The following FAM169A variants were observed in gnomAD, a reference collection of about 807,000 sequenced individuals.
FAM169A encodes family with sequence similarity 169 member A, also known as soluble lamin-associated protein of 75 kDa.
In FAM169A, 24 loss-of-function variants were observed where a neutral mutation model predicts 75.7. The ratio of observed to expected loss-of-function variants is 0.32; its 90% CI spans 0.23 to 0.45. FAM169A has a LOEUF of 0.45. Among genes scored for constraint, FAM169A ranks in the 20% least tolerant of loss-of-function variants. The pLI is 1.00. For synonymous variants in FAM169A, 271 were observed against 271.0 expected (o/e 1.00, Z 0.00); for missense variants, 673 against 784.0 (o/e 0.86, Z 1.69).
intron 1 of FAM169A, among the ~76,000 whole-genome samples, chr5:74,864,246 C>T (rs1476793438): frequency 6.6e-6 from 1 of 152,186 alleles, no homozygotes; most frequent in Non-Finnish European, 1.5e-5. Context: ...GATATATATT[C>T]CATCTTGGTG....
chr5:74,814,651 T>C (rs1016200246), intron 5 of FAM169A, among the ~76,000 whole-genome samples: 2 of 152,184 alleles, frequency 1.3e-5, no homozygotes, highest in Non-Finnish European at 1.5e-5. Flanking sequence ...ATTTTGTATG[T>C]TTAAAGTTAA....
intron 5 of FAM169A, among the ~76,000 whole-genome samples, chr5:74,829,404 T>C (rs147530249): frequency 9.2e-5 from 14 of 152,342 alleles, no homozygotes; most frequent in Admixed American, 5.2e-4. Context: ...AGGTCCAAGA[T>C]AGGCAATAAT....
rs1018599718 is a variant in FAM169A, at chr5:74,866,167, C to T, written c.-6G>A. ...CCGGGGAGAGGGAGCGCACTCACCT[C>T]AGACGCGCCCCGGGAGCCGCTGGAA... On this transcript the variant is annotated splice_region_variant and 5_prime_UTR_variant, in exon 1 of 13. Coordinates refer to ENST00000687041, the MANE Select transcript of FAM169A (RefSeq NM_001376049.1). 175 of 983,820 alleles carry T rather than the reference C, an allele frequency of 1.8e-4. No individual in the cohort carries two copies. The highest frequency in any genetic ancestry group is 1.1e-4 in the Non-Finnish European group (94 of 829,200). The allele number at this position is 983,820 out of a possible 1,614,324, so 60.9% of individuals were successfully genotyped here.
chr5:74,805,812 CTCA>C (rs1475264945), intron 6 of FAM169A, among the ~76,000 whole-genome samples: 1 of 151,730 alleles, frequency 6.6e-6, no homozygotes, highest in Non-Finnish European at 1.5e-5. Context: ...AATACCAGTT[CTCA>C]TCAAATTGAT....
At chr5:74,866,738 C>A (rs920630451), upstream of FAM169A, 6 of 985,374 alleles carry the variant, frequency 6.1e-6, no homozygotes, top group Non-Finnish European at 7.2e-6. Context: ...TTGCGTATTC[C>A]TTTAATGCCG....
Position 74,807,028 on chromosome 5 carries a change from T to C in FAM169A, c.671-1744A>G, listed in dbSNP as rs546550537. Among the ~76,000 whole-genome samples the C allele has an allele frequency of 3.3e-5, 5 of 152,338 alleles. No homozygotes were observed. The East Asian group carries it at 9.6e-4, about 29-fold the overall frequency. On this transcript the variant is annotated intron_variant, in intron 6 of 12. Coordinates refer to ENST00000687041, the MANE Select transcript of FAM169A (RefSeq NM_001376049.1). ...ACACTCTGCTGGTGGGATAATAATT[T>C]TGCAACAGTAAAGTTGAAAAGGCTT...
chr5:74,799,958 G>A, intron 10 of FAM169A: 1 of 818,372 alleles, frequency 1.2e-6, no homozygotes, highest in South Asian at 1.3e-5. Flanking sequence ...TGAAGATGCT[G>A]CGCCAGAATA....
intron 11 of FAM169A, among the ~76,000 whole-genome samples, chr5:74,795,803 T>C (rs937200020): frequency 2.0e-5 from 3 of 152,214 alleles, no homozygotes; most frequent in Non-Finnish European, 2.9e-5. Context: ...ATCTTCGATA[T>C]AATTCAAACT....
chr5:74,801,146 C>T, intron 9 of FAM169A, 116 bp from the exon 10 acceptor site: 2 of 669,100 alleles, frequency 3.0e-6, no homozygotes. Flanking sequence ...CCACATTACA[C>T]AGGTTCACCC....
chr5:74,807,146 A>G (rs1746929941), intron 6 of FAM169A, among the ~76,000 whole-genome samples: 1 of 152,188 alleles, frequency 6.6e-6, no homozygotes, highest in African/African-American at 2.4e-5. Flanking sequence ...TAAACCCATC[A>G]TAAATTGAAA....
In FAM169A at chr5:74,866,332, G is replaced by A; in HGVS notation, c.-171C>T. On this transcript the variant is annotated 5_prime_UTR_variant, in exon 1 of 13. Transcript: ENST00000687041. ...GCCTCCCGCTCGCCCCGGACGCCCGGCTCCTCGTCGCGGGTCGGCCGCGGC... is the reference window on the plus strand; with the variant it reads ...GCCTCCCGCTCGCCCCGGACGCCCGACTCCTCGTCGCGGGTCGGCCGCGGC... 5 of 984,392 alleles carry A rather than the reference G, an allele frequency of 5.1e-6. No individual in the cohort carries two copies. The highest frequency in any genetic ancestry group is 6.0e-6 in the Non-Finnish European group (5 of 829,602). The allele number at this position is 984,392 out of a possible 1,614,324, so 61.0% of individuals were successfully genotyped here.
At chr5:74,846,695 G>C (rs1208762423) in intron 1 of FAM169A, among the ~76,000 whole-genome samples, 2 of 152,270 alleles carry the variant, frequency 1.3e-5, no homozygotes, top group Non-Finnish European at 2.9e-5. Context: ...CTCCCAAGTA[G>C]CTAAGACCAC....
chr5:74,845,876 G>T (rs932980563), intron 1 of FAM169A, among the ~76,000 whole-genome samples: 3 of 152,082 alleles, frequency 2.0e-5, no homozygotes, highest in African/African-American at 7.2e-5. Flanking sequence ...TGTTAGCTTG[G>T]GCAAATCTTT....
chr5:74,852,950 A>G (rs1749518056), intron 1 of FAM169A, among the ~76,000 whole-genome samples: 1 of 152,196 alleles, frequency 6.6e-6, no homozygotes, highest in Non-Finnish European at 1.5e-5. Context: ...CCTTGTGCAT[A>G]AATCTTTTAA....
chr5:74,856,386 T>A (rs942411093), intron 1 of FAM169A, among the ~76,000 whole-genome samples: 1 of 152,212 alleles, frequency 6.6e-6, no homozygotes, highest in African/African-American at 2.4e-5. Flanking sequence ...TATGAACATG[T>A]TGACAATATT....
intron 10 of FAM169A, chr5:74,799,597 G>A (rs544350288): frequency 6.8e-7 from 1 of 1,465,216 alleles, no homozygotes; most frequent in Admixed American, 1.7e-5. Flanking sequence ...TGGTGGCGGT[G>A]GCACTGGTGG....
Position 74,840,060 on chromosome 5 carries a change from A to AT in FAM169A, c.232+13_232+14insA. ...AAAAATTCCTTAATTTATAAAAATTAAGCAAAAAGAGACCTGTCAGTGAAT... is the reference window on the plus strand; with the variant it reads ...AAAAATTCCTTAATTTATAAAAATTATAGCAAAAAGAGACCTGTCAGTGAAT... On this transcript the variant is annotated intron_variant, in intron 3 of 12. Transcript: ENST00000687041. 3 of 1,375,978 alleles carry AT rather than the reference A, an allele frequency of 2.2e-6. No individual in the cohort carries two copies. The highest frequency in any genetic ancestry group is 3.0e-6 in the Non-Finnish European group (3 of 994,488). The allele number at this position is 1,375,978 out of a possible 1,614,324, so 85.2% of individuals were successfully genotyped here. A position where few individuals can be genotyped will look rare whatever the true frequency, so the allele number is the denominator to read the frequency against.
At chr5:74,859,534 C>T (rs1370671371) in intron 1 of FAM169A, among the ~76,000 whole-genome samples, 7 of 151,982 alleles carry the variant, frequency 4.6e-5, no homozygotes, top group African/African-American at 1.4e-4. Flanking sequence ...GTGATCCACC[C>T]GCCTTGGCCT....
chr5:74,856,369 T>C (rs1749705377), intron 1 of FAM169A, among the ~76,000 whole-genome samples: 2 of 152,214 alleles, frequency 1.3e-5, no homozygotes, highest in South Asian at 2.1e-4. Flanking sequence ...TAGATTGCTT[T>C]AGGTAATATG....
Sources: gnomAD v4.1 joint callset for allele counts (sites outside exome capture counted in the v4.1 genomes callset) on GRCh38, gnomAD v4.1.1 for gene constraint, MANE v1.5 for transcripts, NCBI Gene and HGNC (gene_info 2026-07-23, HGNC 2026-07-21) for gene names.